The following GRIP1 variants were observed in gnomAD, a reference collection of about 807,000 sequenced individuals.
The protein encoded by GRIP1 is glutamate receptor interacting protein 1.
Under a neutral mutation model 129.9 loss-of-function variants are expected in GRIP1, and 45 were observed. That is an observed-to-expected ratio of 0.35 (90% confidence interval 0.27 to 0.44). The LOEUF is 0.44. Among genes scored for constraint, GRIP1 ranks in the 20% least tolerant of loss-of-function variants. The pLI, the probability that GRIP1 is intolerant of heterozygous loss-of-function variation, is 1.00. For missense variants in GRIP1, 1,196 were observed against 1,396.8 expected (o/e 0.86, Z 2.29); for synonymous variants, 530 against 520.8 (o/e 1.02, Z -0.24).
chr12:66,353,301 G>T (rs1050307204), intron 24 of GRIP1, 116 bp downstream of exon 24: 1 of 800,202 alleles, frequency 1.2e-6, no homozygotes, highest in Admixed American at 1.7e-5. Flanking sequence ...CCATAATCTT[G>T]ATGACAAAGG....
rs138974308 is a variant in GRIP1 at position 66,454,854 on chromosome 12, T to C, written c.1354+555A>G. 3.2e-3 allele frequency among the ~76,000 whole-genome samples: 485 copies of C among 152,302 alleles called. 3 individuals carry two copies. Among genetic ancestry groups the C allele is most frequent in the African/African-American group, 0.011 (453 of 41,564 alleles). ...GTGGGGTAGGCTTCTGGAAAAAGTATTGGAGTCTTGGGGAATGAGATATAG... is the reference window on the plus strand; with the variant it reads ...GTGGGGTAGGCTTCTGGAAAAAGTACTGGAGTCTTGGGGAATGAGATATAG... On this transcript the variant is annotated intron_variant, in intron 11 of 24. Transcript: ENST00000359742.
chr12:66,750,595 C>A (rs1376120651), intron 1 of GRIP1, among the ~76,000 whole-genome samples: 1 of 152,202 alleles, frequency 6.6e-6, no homozygotes, highest in African/African-American at 2.4e-5. Flanking sequence ...CCCATTCTCC[C>A]CTACCTTGTT....
chr12:66,445,820 C>A (rs1185919546), intron 11 of GRIP1, among the ~76,000 whole-genome samples: 1 of 152,132 alleles, frequency 6.6e-6, no homozygotes, highest in Non-Finnish European at 1.5e-5. Flanking sequence ...TATCACTGAG[C>A]ACCAGCTGGG....
intron 1 of GRIP1, among the ~76,000 whole-genome samples, chr12:66,685,303 T>C (rs965066578): frequency 6.6e-6 from 1 of 152,256 alleles, no homozygotes; most frequent in Admixed American, 6.5e-5. Flanking sequence ...TCAAATTTTG[T>C]AGGGCTAGTC....
At position 66,772,493 on chromosome 12, in the gene GRIP1, T is replaced by G. The variant is rs566567649; in HGVS notation, c.-420+31560A>C. On this transcript the variant is annotated intron_variant, in intron 1 of 4. Coordinates refer to the GRIP1 transcript ENST00000538373. ...ACATCAATCCTGTTGGTGCCAAGCT[T>G]CAGCCACAGTTGGGCATTTTGAAGG... Among the ~76,000 whole-genome samples, 16 of 152,342 alleles carry G rather than the reference T, an allele frequency of 1.1e-4. No individual in the cohort carries two copies. In the South Asian group the frequency reaches 3.3e-3, roughly 32 times the overall value.
In GRIP1 at chr12:66,465,350, G is replaced by A. The variant is rs747758396; in HGVS notation, c.797C>T (p.Ala266Val). ...AKTPGASLGV[A>V]LTTSMCCNKQ... ...GTTACAGCACATCGAGGTAGTTAGG[G>A]CAACCCCAAGGCTGGCACCAGGAGT... The change falls in exon 8 of 25, where the codon GCC becomes GTC. Residue 266 changes from alanine (A) to valine (V), a missense_variant. By Grantham distance (64) the Ala-to-Val change is moderately conservative (BLOSUM62 0). This residue lies in a region of GRIP1 where 508 missense variants were observed against 587.0 expected (regional missense o/e 0.87). Coordinates refer to ENST00000359742, the MANE Select transcript of GRIP1 (RefSeq NM_001366722.1). 8.7e-6 allele frequency: 14 copies of A among 1,613,730 alleles called. No individual in the cohort carries two copies. The highest frequency in any genetic ancestry group is 1.2e-5 in the Non-Finnish European group (14 of 1,179,616).
intron 9 of GRIP1, among the ~76,000 whole-genome samples, chr12:66,457,409 AG>A (rs2059000142): frequency 6.6e-6 from 1 of 152,150 alleles, no homozygotes; most frequent in Admixed American, 6.5e-5. Flanking sequence ...CTGGCACTAC[AG>A]GCCCACGCCA....
chr12:66,964,693 C>T (rs1050035337), intron 1 of GRIP1, among the ~76,000 whole-genome samples: 1 of 152,148 alleles, frequency 6.6e-6, no homozygotes, highest in African/African-American at 2.4e-5. Flanking sequence ...AACACATACT[C>T]CGATTATGTG....
At chr12:66,401,959 C>T (rs993457434) in intron 16 of GRIP1, among the ~76,000 whole-genome samples, 2 of 152,160 alleles carry the variant, frequency 1.3e-5, no homozygotes, top group Non-Finnish European at 2.9e-5. Context: ...TAATGGCCCC[C>T]CATTGGTTTC....
intron 1 of GRIP1, among the ~76,000 whole-genome samples, chr12:66,610,987 G>A (rs2064769346): frequency 6.6e-6 from 1 of 152,106 alleles, no homozygotes; most frequent in Non-Finnish European, 1.5e-5. Context: ...TATAACTATA[G>A]CCTTTATTGG....
At chr12:66,864,654 G>C (rs2040171571) in intron 1 of GRIP1, among the ~76,000 whole-genome samples, 1 of 152,118 alleles carries the variant, frequency 6.6e-6, no homozygotes, top group Non-Finnish European at 1.5e-5. Context: ...GTAGCTCAAG[G>C]TTGCAGTGAG....
At chr12:66,705,385 A>T (rs1009020357) in intron 1 of GRIP1, among the ~76,000 whole-genome samples, 18 of 152,066 alleles carry the variant, frequency 1.2e-4, no homozygotes, top group African/African-American at 4.3e-4. Context: ...ACTACAAACC[A>T]CTGCCCAAGG....
chr12:66,888,422 C>T (rs374076553), intron 1 of GRIP1, among the ~76,000 whole-genome samples: 12 of 152,272 alleles, frequency 7.9e-5, no homozygotes, highest in African/African-American at 1.9e-4. Context: ...TACAGTGGCG[C>T]GATCTCAGCT....
intron 1 of GRIP1, among the ~76,000 whole-genome samples, chr12:66,763,138 G>A (rs1759415120): frequency 6.6e-6 from 1 of 152,032 alleles, no homozygotes; most frequent in South Asian, 2.1e-4. Flanking sequence ...TGGATTATTA[G>A]ATCTCTACTG....
At position 66,472,415 on chromosome 12, in the gene GRIP1, T is replaced by G. The variant is rs534192072; in HGVS notation, c.725-6993A>C. ...ATATTCTATTGAATCTCATGAAGTT[T>G]CTAGTTACTTTTTTCTTTTTAACAT... On this transcript the variant is annotated intron_variant, in intron 7 of 24. Transcript: ENST00000359742. 4.1e-4 allele frequency among the ~76,000 whole-genome samples: 63 copies of G among 152,230 alleles called. 2 individuals carry two copies. Among genetic ancestry groups the G allele is most frequent in the Admixed American group, 3.7e-3 (56 of 15,294 alleles).
intron 2 of GRIP1, among the ~76,000 whole-genome samples, chr12:66,553,342 C>T (rs1165365919): frequency 3.3e-5 from 5 of 152,016 alleles, no homozygotes. Context: ...CCCTCCTTCC[C>T]TCTCCCTCCC....
chr12:66,813,818 T>C (rs149339251), intron 1 of GRIP1, among the ~76,000 whole-genome samples: 1 of 152,160 alleles, frequency 6.6e-6, no homozygotes, highest in Non-Finnish European at 1.5e-5. Context: ...GGGCTTCTAT[T>C]CCACATGCAT....
chr12:66,556,713 C>T (rs11532479), intron 2 of GRIP1, among the ~76,000 whole-genome samples: 62,412 of 151,424 alleles, frequency 0.41, 13,001 homozygotes, highest in African/African-American at 0.46. Flanking sequence ...GTTAGTTTTC[C>T]TTTTGCATAT....
At chr12:66,970,758 G>C (rs183467400) in intron 1 of GRIP1, among the ~76,000 whole-genome samples, 215 of 152,220 alleles carry the variant, frequency 1.4e-3, no homozygotes, top group African/African-American at 4.9e-3. Context: ...CTATGTTGCT[G>C]TACTGTGACC....
Sources: gnomAD v4.1 joint callset for allele counts (sites outside exome capture counted in the v4.1 genomes callset) on GRCh38, gnomAD v4.1.1 for gene constraint, gnomAD v4.1.1 regional missense constraint, MANE v1.5 for transcripts, NCBI Gene and HGNC (gene_info 2026-07-23, HGNC 2026-07-21) for gene names.